Variants in RALYL observed in about 807,000 individuals in gnomAD.
RALYL encodes RALY RNA binding protein like.
In RALYL, 29 loss-of-function variants were observed where a neutral mutation model predicts 35.1. The ratio of observed to expected loss-of-function variants is 0.83; its 90% CI spans 0.61 to 1.13. The LOEUF (loss-of-function observed/expected upper bound fraction) is 1.13. Among genes scored for constraint, RALYL ranks in the 50% most tolerant of loss-of-function variants. RALYL has a pLI of 0.00. For missense variants in RALYL, 359 were observed against 360.4 expected (o/e 1.00, Z 0.03); for synonymous variants, 120 against 127.6 (o/e 0.94, Z 0.40).
intron 2 of RALYL, among the ~76,000 whole-genome samples, chr8:84,558,984 C>A (rs980171469): frequency 6.6e-6 from 1 of 152,016 alleles, no homozygotes; most frequent in African/African-American, 2.4e-5. Context: ...TCTCATTAAG[C>A]CTTCATCACA....
chr8:84,698,871 T>C (rs1839661268), intron 2 of RALYL, among the ~76,000 whole-genome samples: 1 of 152,180 alleles, frequency 6.6e-6, no homozygotes, highest in African/African-American at 2.4e-5. Flanking sequence ...CTGAGTCTTC[T>C]GTGCTTGGTT....
At chr8:84,768,843 A>AT (rs1311615292) in intron 2 of RALYL, among the ~76,000 whole-genome samples, 1 of 152,162 alleles carries the variant, frequency 6.6e-6, no homozygotes, top group Non-Finnish European at 1.5e-5. Context: ...TTTCTTTGGC[A>AT]TTTTTTAATA....
chr8:84,647,981 C>T (rs1827851986), intron 2 of RALYL, among the ~76,000 whole-genome samples: 1 of 152,080 alleles, frequency 6.6e-6, no homozygotes, highest in African/African-American at 2.4e-5. Flanking sequence ...CAAAGTATTT[C>T]CCTATACAGT....
At chr8:84,720,615 C>T (rs1471071752) in intron 2 of RALYL, among the ~76,000 whole-genome samples, 2 of 152,076 alleles carry the variant, frequency 1.3e-5, no homozygotes, top group African/African-American at 4.8e-5. Flanking sequence ...AAAGCATAGG[C>T]ATCGAAAGCA....
intron 1 of RALYL, among the ~76,000 whole-genome samples, chr8:84,282,316 G>A (rs80122075): frequency 0.019 from 2,889 of 151,562 alleles, 42 homozygotes; most frequent in Non-Finnish European, 0.031. Flanking sequence ...ACCAGGTCAG[G>A]GGTCCTTATT....
At chr8:84,475,810 G>C (rs57102661) in intron 1 of RALYL, among the ~76,000 whole-genome samples, 15,006 of 152,174 alleles carry the variant, frequency 0.099, 1,047 homozygotes, top group Admixed American at 0.2. Flanking sequence ...GATCAAATCT[G>C]TTGCATTAAG....
chr8:84,833,701 G>T (rs567881235), intron 4 of RALYL, among the ~76,000 whole-genome samples: 30 of 151,216 alleles, frequency 2.0e-4, no homozygotes, highest in African/African-American at 7.0e-4. Context: ...TATTGAGATT[G>T]CAATTGACAA....
At chr8:84,415,220 T>G (rs2044548854) in intron 1 of RALYL, among the ~76,000 whole-genome samples, 1 of 147,080 alleles carries the variant, frequency 6.8e-6, no homozygotes, top group Admixed American at 6.8e-5. Context: ...TTTTTTTTTG[T>G]TTTTTTGTTT....
At chr8:84,212,140 AT>A (rs1192198741) in intron 1 of RALYL, among the ~76,000 whole-genome samples, 5 of 152,316 alleles carry the variant, frequency 3.3e-5, no homozygotes, top group Admixed American at 3.3e-4. Flanking sequence ...TAAGATGCAG[AT>A]TTAATTTACA....
chr8:84,337,144 A>G (rs1287311678), intron 1 of RALYL, among the ~76,000 whole-genome samples: 2 of 151,680 alleles, frequency 1.3e-5, no homozygotes, highest in African/African-American at 2.4e-5. Flanking sequence ...TCACAGCATT[A>G]CAATGGAAAG....
chr8:84,808,055 G>T (rs112611456), intron 4 of RALYL, among the ~76,000 whole-genome samples: 24 of 152,154 alleles, frequency 1.6e-4, no homozygotes, highest in African/African-American at 5.1e-4. Context: ...GAATTTGCTT[G>T]CGGGTTCTTG....
At chr8:84,517,693 T>A (rs2058165182) in intron 1 of RALYL, among the ~76,000 whole-genome samples, 1 of 152,196 alleles carries the variant, frequency 6.6e-6, no homozygotes, top group Non-Finnish European at 1.5e-5. Context: ...AAAACGTCCT[T>A]GGATAAACTC....
At chr8:84,900,033 A>AT (rs1274655779) in intron 8 of RALYL, among the ~76,000 whole-genome samples, 1 of 152,068 alleles carries the variant, frequency 6.6e-6, no homozygotes, top group Non-Finnish European at 1.5e-5. Flanking sequence ...AGTTCTAAGG[A>AT]TTTTTGAGAT....
In RALYL at chr8:84,805,275, C is replaced by G. The variant is rs567720137; in HGVS notation, c.365+473C>G. Among the ~76,000 whole-genome samples the G allele has an allele frequency of 3.9e-5, 6 of 152,340 alleles. No homozygotes were observed. In the South Asian group the frequency reaches 1.2e-3, roughly 32 times the overall value. ...TCATTTCACTTTAATTTCTCCAGTTCACTCACATTGACTGCTTCTTTGCAC... is the reference window on the plus strand; with the variant it reads ...TCATTTCACTTTAATTTCTCCAGTTGACTCACATTGACTGCTTCTTTGCAC... On this transcript the variant is annotated intron_variant, in intron 4 of 8. Transcript: ENST00000521268.
chr8:84,852,450 T>TA (rs1253640916), intron 5 of RALYL, among the ~76,000 whole-genome samples: 2 of 152,220 alleles, frequency 1.3e-5, no homozygotes, highest in African/African-American at 4.8e-5. Flanking sequence ...AGACTGTTTT[T>TA]ATACTATTTG....
rs1223012392 is a variant in RALYL at position 84,184,865 on chromosome 8, G to A, written c.-24+441G>A. On this transcript the variant is annotated intron_variant, in intron 1 of 8. Transcript: ENST00000521268. ...GACCCTCAGAGCACCCGGGAGATGG[G>A]GGTAGAAGCGGCAGAGACCGCATAT... 2.8e-6 allele frequency: 3 copies of A among 1,061,360 alleles called. No individual in the cohort carries two copies. In the South Asian group the frequency reaches 3.9e-5, roughly 14 times the overall value. 65.7% of individuals were successfully genotyped at this position (1,061,360 alleles called of 1,614,324 possible).
chr8:84,375,285 A>G (rs1157590373), intron 1 of RALYL, among the ~76,000 whole-genome samples: 1 of 151,864 alleles, frequency 6.6e-6, no homozygotes, highest in East Asian at 1.9e-4. Context: ...CACAAACAAT[A>G]CCCAATACTG....
chr8:84,818,652 G>GGTGAA (rs1431712054), intron 4 of RALYL, among the ~76,000 whole-genome samples: 3 of 152,180 alleles, frequency 2.0e-5, no homozygotes, highest in African/African-American at 7.2e-5. Flanking sequence ...TCATTCTGTG[G>GGTGAA]GTGAAGTGGA....
chr8:84,195,313 G>A (rs568862725), intron 1 of RALYL, among the ~76,000 whole-genome samples: 19 of 152,080 alleles, frequency 1.2e-4, no homozygotes, highest in African/African-American at 2.4e-4. Flanking sequence ...GGTGGCATGC[G>A]CCTGTAGTCC....
Sources: allele counts gnomAD v4.1 joint callset (sites outside exome capture counted in the v4.1 genomes callset), GRCh38; gene constraint gnomAD v4.1.1; transcripts MANE v1.5; gene names NCBI Gene and HGNC (gene_info 2026-07-23, HGNC 2026-07-21).